TESC: variants seen among roughly 807,000 people sequenced by gnomAD.
TESC encodes tescalcin.
A neutral mutation model predicts 31.0 loss-of-function variants in TESC; 19 were observed. The observed-to-expected ratio is 0.61, with a 90% CI of 0.43 to 0.90. The LOEUF is 0.90. Among genes scored for constraint, TESC ranks in the 40% least tolerant of loss-of-function variants. The probability of loss-of-function intolerance (pLI) is 0.00; values close to 1 mark genes in which losing one functional copy is unlikely to be tolerated. For missense variants in TESC, 248 were observed against 303.8 expected, an observed-to-expected ratio of 0.82 and a Z score of 1.36; for synonymous variants, 109 against 114.8, an observed-to-expected ratio of 0.95 and a Z score of 0.32.
chr12:117,062,464 T>C (rs3782194), intron 2 of TESC, among the ~76,000 whole-genome samples: 13,784 of 152,224 alleles, frequency 0.091, 1,225 homozygotes, highest in East Asian at 0.27. Context: ...TCAGGTGATC[T>C]GCCCTCCTCA....
chr12:117,056,575 C>A (rs1221071898), intron 3 of TESC, among the ~76,000 whole-genome samples: 1 of 152,172 alleles, frequency 6.6e-6, no homozygotes, highest in African/African-American at 2.4e-5. Context: ...TAATTTGTTA[C>A]ATAGCCAGAG....
chr12:117,058,118 C>T (rs1309855931), intron 2 of TESC, among the ~76,000 whole-genome samples: 1 of 152,018 alleles, frequency 6.6e-6, no homozygotes, highest in Non-Finnish European at 1.5e-5. Flanking sequence ...TACTTGGGAA[C>T]CTCAGACACA....
At chr12:117,094,370 G>A in intron 1 of TESC, among the ~76,000 whole-genome samples, 1 of 152,274 alleles carries the variant, frequency 6.6e-6, no homozygotes, top group African/African-American at 2.4e-5. Context: ...GCTGGTGAGG[G>A]TGGCACTGGG....
chr12:117,080,678 A>AGGGG (rs1280496564), intron 1 of TESC, among the ~76,000 whole-genome samples: 1 of 152,180 alleles, frequency 6.6e-6, no homozygotes, highest in African/African-American at 2.4e-5. Flanking sequence ...TGACTTTCAG[A>AGGGG]ACACCCCAGG....
At chr12:117,044,637 C>T (rs942417278) in intron 6 of TESC, among the ~76,000 whole-genome samples, 1 of 152,148 alleles carries the variant, frequency 6.6e-6, no homozygotes, top group African/African-American at 2.4e-5. Context: ...ACGGCTCATG[C>T]CTGGAATCCC....
intron 2 of TESC, among the ~76,000 whole-genome samples, chr12:117,066,922 G>A (rs1238807243): frequency 5.3e-5 from 8 of 152,140 alleles, no homozygotes; most frequent in Admixed American, 4.6e-4. Context: ...TTATATGCGA[G>A]TACCTGCTAA....
At chr12:117,080,749 G>GC (rs903702973) in intron 1 of TESC, among the ~76,000 whole-genome samples, 5 of 152,062 alleles carry the variant, frequency 3.3e-5, no homozygotes, top group Admixed American at 6.6e-5. Context: ...TCCTAACTGC[G>GC]CCCCCCCAAC....
At chr12:117,084,547 C>T (rs1955190824) in intron 1 of TESC, among the ~76,000 whole-genome samples, 1 of 152,238 alleles carries the variant, frequency 6.6e-6, no homozygotes, top group Admixed American at 6.5e-5. Context: ...TGGCCTCCCC[C>T]ATCAGGCTGT....
intron 1 of TESC, among the ~76,000 whole-genome samples, chr12:117,085,092 G>A (rs944941946): frequency 6.6e-6 from 1 of 152,242 alleles, no homozygotes; most frequent in African/African-American, 2.4e-5. Context: ...TAGGCCACGG[G>A]GATGGGAGCA....
In TESC at chr12:117,069,395, C is replaced by T. The variant is rs150441279; in HGVS notation, c.128+5876G>A. On this transcript the variant is annotated intron_variant, in intron 2 of 7. Coordinates refer to ENST00000335209, the MANE Select transcript of TESC (RefSeq NM_017899.4). ...CTGGGATTACAAGCACACACCACCACGCCCAACTGATTTTTGTATTTTCAG... is the reference window on the plus strand; with the variant it reads ...CTGGGATTACAAGCACACACCACCATGCCCAACTGATTTTTGTATTTTCAG... Among the ~76,000 whole-genome samples the T allele has an allele frequency of 1.8e-4, 28 of 152,228 alleles. No homozygotes were observed. In the South Asian group the frequency reaches 3.1e-3, roughly 17 times the overall value.
In TESC at chr12:117,075,336, T is replaced by C. The variant is rs778294714; in HGVS notation, c.63A>G (p.Ser21=). 6 of 1,609,462 alleles carry C rather than the reference T, an allele frequency of 3.7e-6. No homozygotes were observed. In the Admixed American group the frequency reaches 6.7e-5, roughly 18 times the overall value. The change falls in exon 2 of 8, where the codon TCA becomes TCG. Residue 21 remains serine (S), a synonymous_variant. Transcript: ENST00000335209. ...GATGGAGCTGCTCGATCTGATCCGA[T>C]GAGACTGAGAAGTGGGGGAAAGAGA... is the stretch of plus-strand genomic sequence containing the variant. ...VRELEGKTGF[S]SDQIEQLHRR...
At chr12:117,070,701 C>T (rs1466653648) in intron 2 of TESC, among the ~76,000 whole-genome samples, 1 of 152,204 alleles carries the variant, frequency 6.6e-6, no homozygotes, top group African/African-American at 2.4e-5. Flanking sequence ...TCTAGCCTTA[C>T]TTTCCCATCT....
intron 1 of TESC, among the ~76,000 whole-genome samples, chr12:117,077,579 G>C (rs1356272017): frequency 6.6e-6 from 1 of 152,210 alleles, no homozygotes; most frequent in Non-Finnish European, 1.5e-5. Context: ...CAATGGAATA[G>C]CACATGGCAG....
chr12:117,059,761 T>C (rs1314802226), intron 2 of TESC, among the ~76,000 whole-genome samples: 1 of 152,088 alleles, frequency 6.6e-6, no homozygotes, highest in African/African-American at 2.4e-5. Context: ...CCCAGCTAAC[T>C]TCTGTATTTT....
intron 1 of TESC, chr12:117,084,201 G>A (rs1294934367): frequency 1.3e-5 from 2 of 152,174 alleles, no homozygotes; most frequent in Admixed American, 6.5e-5. Context: ...GTCATCAGCT[G>A]TGAATTAGGT....
intron 1 of TESC, among the ~76,000 whole-genome samples, chr12:117,092,995 C>G (rs997412630): frequency 6.6e-6 from 1 of 152,174 alleles, no homozygotes; most frequent in Non-Finnish European, 1.5e-5. Context: ...AGGGGAAAAG[C>G]CACAACCTAG....
chr12:117,090,934 G>A (rs1303536927), intron 1 of TESC, among the ~76,000 whole-genome samples: 1 of 152,178 alleles, frequency 6.6e-6, no homozygotes, highest in Non-Finnish European at 1.5e-5. Flanking sequence ...CCCCCTTTGA[G>A]GACTGCTGTC....
intron 1 of TESC, among the ~76,000 whole-genome samples, chr12:117,093,268 T>TA (rs778677898): frequency 1.3e-5 from 2 of 152,318 alleles, no homozygotes; most frequent in East Asian, 3.9e-4. Flanking sequence ...TGAGGCCACT[T>TA]AAAGACTTTA....
At chr12:117,060,626 A>G (rs7978810) in intron 2 of TESC, among the ~76,000 whole-genome samples, 55,252 of 151,964 alleles carry the variant, frequency 0.36, 11,000 homozygotes, top group African/African-American at 0.53. Flanking sequence ...CGCTTCCCAG[A>G]GACCCCACAA....
Sources: gnomAD v4.1 joint callset for allele counts (sites outside exome capture counted in the v4.1 genomes callset) on GRCh38, gnomAD v4.1.1 for gene constraint, MANE v1.5 for transcripts, NCBI Gene and HGNC (gene_info 2026-07-23, HGNC 2026-07-21) for gene names.